Variants in TMEM132C observed in about 807,000 individuals in gnomAD.
TMEM132C encodes the protein protein phosphatase 1, regulatory subunit 152.
In TMEM132C, 29 loss-of-function variants were observed where a neutral mutation model predicts 61.4. The observed-to-expected ratio is 0.47, with a 90% CI of 0.35 to 0.64. The LOEUF (loss-of-function observed/expected upper bound fraction) is 0.64. TMEM132C is among the 30% of genes least tolerant of loss of function. The pLI, the probability that TMEM132C is intolerant of heterozygous loss-of-function variation, is 0.00. For missense variants in TMEM132C, 1,408 were observed against 1,476.9 expected (o/e 0.95, Z 0.76); for synonymous variants, 656 against 633.1 (o/e 1.04, Z -0.54).
At chr12:128,396,477 CG>C (rs11367764) in intron 1 of TMEM132C, among the ~76,000 whole-genome samples, 57,063 of 151,554 alleles carry the variant, frequency 0.38, 12,046 homozygotes, top group African/African-American at 0.57. Context: ...ACCTAGATGA[CG>C]GGTTGATGGG....
At chr12:128,325,384 C>T (rs753134258) in intron 1 of TMEM132C, among the ~76,000 whole-genome samples, 11 of 152,084 alleles carry the variant, frequency 7.2e-5, no homozygotes, top group Non-Finnish European at 1.5e-4. Context: ...GTACAGATTA[C>T]CTTCCATAGG....
rs756811020 is a variant in TMEM132C at position 128,630,947 on chromosome 12, G to A, written c.1305+14612G>A. On this transcript the variant is annotated intron_variant, in intron 4 of 8. Transcript: ENST00000435159. The surrounding 1 kb of genome is among the most constrained non-coding windows in gnomAD (Gnocchi z 4.3). ...CTCAGGAGGCTGAGACACGAGAATC[G>A]CTTGAACCTGGGAGGCGGAGGCTGC... Among the ~76,000 whole-genome samples, 8 of 152,110 alleles carry A rather than the reference G, an allele frequency of 5.3e-5. No homozygotes were observed. The highest frequency in any genetic ancestry group is 2.1e-4 in the South Asian group (1 of 4,812).
At chr12:128,461,792 C>T (rs2136070228) in intron 2 of TMEM132C, among the ~76,000 whole-genome samples, 1 of 152,262 alleles carries the variant, frequency 6.6e-6, no homozygotes, top group Middle Eastern at 3.4e-3. Context: ...CCAGCAAAGG[C>T]CTCTACCTTT....
intron 3 of TMEM132C, among the ~76,000 whole-genome samples, chr12:128,600,510 G>A (rs1876145184): frequency 6.6e-6 from 1 of 152,204 alleles, no homozygotes; most frequent in African/African-American, 2.4e-5. Flanking sequence ...ACAAAGGGAA[G>A]TGCTGCAGCG....
chr12:128,588,854 A>T (rs915323508), intron 3 of TMEM132C, among the ~76,000 whole-genome samples: 1 of 152,162 alleles, frequency 6.6e-6, no homozygotes, highest in Non-Finnish European at 1.5e-5. Context: ...TAAGTCACCC[A>T]GTCTGTGAGA....
chr12:128,664,112 G>A (rs10847660), intron 4 of TMEM132C, among the ~76,000 whole-genome samples: 63,553 of 127,792 alleles, frequency 0.5, 14,760 homozygotes, highest in East Asian at 0.65. Context: ...ACAGGCACAC[G>A]CACCCGCACG....
At chr12:128,394,967 T>A (rs1244524139) in intron 1 of TMEM132C, among the ~76,000 whole-genome samples, 2 of 151,602 alleles carry the variant, frequency 1.3e-5, no homozygotes, top group Non-Finnish European at 2.9e-5. Flanking sequence ...AGATCTCATC[T>A]CCCTTCTACT....
At chr12:128,554,883 C>T (rs1253150733) in intron 3 of TMEM132C, among the ~76,000 whole-genome samples, 1 of 152,206 alleles carries the variant, frequency 6.6e-6, no homozygotes, top group Non-Finnish European at 1.5e-5. Flanking sequence ...TCTCTCCCTG[C>T]TCCTCTTGTG....
chr12:128,591,972 A>T (rs1565984220), intron 3 of TMEM132C, among the ~76,000 whole-genome samples: 3 of 151,392 alleles, frequency 2.0e-5, no homozygotes, highest in Admixed American at 1.3e-4. Context: ...GAATCGCTTG[A>T]ACCCGAGAGG....
At chr12:128,438,921 T>C (rs1428126520) in intron 2 of TMEM132C, 1 of 152,142 alleles carries the variant, frequency 6.6e-6, no homozygotes, top group African/African-American at 2.4e-5. Flanking sequence ...GCAGACTTCC[T>C]CTTTTTTTCC....
intron 2 of TMEM132C, among the ~76,000 whole-genome samples, chr12:128,507,866 A>C (rs1016517571): frequency 6.6e-6 from 1 of 152,206 alleles, no homozygotes; most frequent in Admixed American, 6.5e-5. Context: ...CCTGAGGACC[A>C]TTTTGTAAAG....
At chr12:128,526,331 T>TGAA (rs1213304541) in intron 2 of TMEM132C, among the ~76,000 whole-genome samples, 1 of 152,190 alleles carries the variant, frequency 6.6e-6, no homozygotes, top group Admixed American at 6.5e-5. Context: ...TAGAGTCCAG[T>TGAA]GAAGGTACCT....
At chr12:128,287,162 A>G (rs1871101543) in intron 1 of TMEM132C, among the ~76,000 whole-genome samples, 1 of 152,152 alleles carries the variant, frequency 6.6e-6, no homozygotes, top group East Asian at 1.9e-4. Flanking sequence ...GCAGGGCTAG[A>G]TGCCAGCAGC....
chr12:128,638,958 G>A (rs534852266), intron 4 of TMEM132C, among the ~76,000 whole-genome samples: 2 of 141,010 alleles, frequency 1.4e-5, no homozygotes, highest in African/African-American at 5.2e-5. Context: ...TGGTGGTGAT[G>A]GTGATGGTGG....
rs553971882 is a variant in TMEM132C, at chr12:128,570,980, G to T, written c.1121+26877G>T. On this transcript the variant is annotated intron_variant, in intron 3 of 8. Transcript: ENST00000435159. The surrounding 1 kb of genome is among the most constrained non-coding windows in gnomAD (Gnocchi z 4.7). ...AGATCAGGGCTTTGTTAGCAAGAAAGAAGAAAAGGATGGATGTCAGGGAAG... is the reference window on the plus strand; with the variant it reads ...AGATCAGGGCTTTGTTAGCAAGAAATAAGAAAAGGATGGATGTCAGGGAAG... Among the ~76,000 whole-genome samples, 17 of 152,328 alleles carry T rather than the reference G, an allele frequency of 1.1e-4. No individual in the cohort carries two copies. The East Asian group carries it at 3.3e-3, about 29-fold the overall frequency.
At chr12:128,461,077 A>G (rs922255221) in intron 2 of TMEM132C, among the ~76,000 whole-genome samples, 1 of 152,228 alleles carries the variant, frequency 6.6e-6, no homozygotes, top group Non-Finnish European at 1.5e-5. Flanking sequence ...CAATAACAGA[A>G]TTCTATTGCT....
chr12:128,479,843 A>G (rs565085077), intron 2 of TMEM132C, among the ~76,000 whole-genome samples: 62 of 152,354 alleles, frequency 4.1e-4, no homozygotes, highest in Admixed American at 7.2e-4. Context: ...TATCCATCTC[A>G]TGTGAGTATT....
intron 3 of TMEM132C, among the ~76,000 whole-genome samples, chr12:128,603,579 C>T (rs752381165): frequency 3.9e-5 from 6 of 152,050 alleles, no homozygotes; most frequent in East Asian, 1.9e-4. Flanking sequence ...GTATTCTTCC[C>T]GAATATTTTC....
At chr12:128,662,312 C>T (rs1954399400) in intron 4 of TMEM132C, among the ~76,000 whole-genome samples, 1 of 152,162 alleles carries the variant, frequency 6.6e-6, no homozygotes, top group Non-Finnish European at 1.5e-5. Flanking sequence ...TTAATAGCTG[C>T]CCTTTGAGTC....
Sources: gnomAD v4.1 joint callset for allele counts (sites outside exome capture counted in the v4.1 genomes callset) on GRCh38, gnomAD v4.1.1 for gene constraint, Gnocchi (gnomAD v3.1) non-coding constraint, MANE v1.5 for transcripts, NCBI Gene and HGNC (gene_info 2026-07-23, HGNC 2026-07-21) for gene names.